Variants in NEGR1 observed in about 807,000 individuals in gnomAD.
NEGR1 encodes the protein IgLON family member 4.
A neutral mutation model predicts 40.9 loss-of-function variants in NEGR1; 10 were observed. That is an observed-to-expected ratio of 0.24 (90% confidence interval 0.15 to 0.42). NEGR1 has a LOEUF of 0.42. Among genes scored for constraint, NEGR1 ranks in the 10% least tolerant of loss-of-function variants. NEGR1 has a pLI of 1.00. For synonymous variants in NEGR1, 185 were observed against 166.8 expected, an observed-to-expected ratio of 1.11 and a Z score of -0.84; for missense variants, 352 against 438.9, an observed-to-expected ratio of 0.80 and a Z score of 1.77.
intron 1 of NEGR1, among the ~76,000 whole-genome samples, chr1:72,124,178 C>A (rs952542718): frequency 2.6e-5 from 4 of 151,948 alleles, no homozygotes; most frequent in African/African-American, 4.8e-5. Flanking sequence ...AAGAGTATTT[C>A]CAAGCCATCA....
intron 1 of NEGR1, among the ~76,000 whole-genome samples, chr1:71,994,192 T>C (rs1177662081): frequency 1.3e-5 from 2 of 152,162 alleles, no homozygotes; most frequent in Non-Finnish European, 2.9e-5. Context: ...TCTTTTAGAA[T>C]TATGAGCCTA....
At chr1:71,678,409 T>C (rs1369844159) in intron 4 of NEGR1, among the ~76,000 whole-genome samples, 1 of 152,194 alleles carries the variant, frequency 6.6e-6, no homozygotes, top group Non-Finnish European at 1.5e-5. Context: ...TGATTTATTC[T>C]ATAACAAAAC....
chr1:71,743,980 C>A (rs532466728), intron 3 of NEGR1, among the ~76,000 whole-genome samples: 104 of 152,190 alleles, frequency 6.8e-4, no homozygotes, highest in Non-Finnish European at 1.1e-3. Flanking sequence ...TAGTTACTAG[C>A]CCTCCCTTCT....
At chr1:71,460,044 C>T (rs1646702670) in intron 6 of NEGR1, among the ~76,000 whole-genome samples, 1 of 152,142 alleles carries the variant, frequency 6.6e-6, no homozygotes, top group Admixed American at 6.5e-5. Flanking sequence ...TAAAAGTCAG[C>T]ACCATATATT....
chr1:71,735,515 G>C (rs1256371520), intron 3 of NEGR1, among the ~76,000 whole-genome samples: 1 of 151,960 alleles, frequency 6.6e-6, no homozygotes, highest in East Asian at 1.9e-4. Context: ...ATGACATGGA[G>C]TGATTACATG....
chr1:71,501,459 T>C (rs1354090756), intron 6 of NEGR1, among the ~76,000 whole-genome samples: 10 of 152,148 alleles, frequency 6.6e-5, no homozygotes, highest in African/African-American at 9.6e-5. Flanking sequence ...CAGTGTAAAA[T>C]TGATTTGTCC....
intron 2 of NEGR1, among the ~76,000 whole-genome samples, chr1:71,784,078 A>C (rs1246310754): frequency 6.6e-6 from 1 of 152,180 alleles, no homozygotes; most frequent in Non-Finnish European, 1.5e-5. Flanking sequence ...ATATTGGACA[A>C]GGCTTTTTGA....
At chr1:71,563,025 A>C (rs1648508696) in intron 6 of NEGR1, among the ~76,000 whole-genome samples, 1 of 152,018 alleles carries the variant, frequency 6.6e-6, no homozygotes, top group Non-Finnish European at 1.5e-5. Context: ...AATAGGAAGA[A>C]GGCCTTGCAC....
intron 1 of NEGR1, among the ~76,000 whole-genome samples, chr1:72,014,246 T>C (rs545589650): frequency 1.6e-3 from 240 of 152,122 alleles, no homozygotes; most frequent in African/African-American, 5.4e-3. Flanking sequence ...AAACATTATC[T>C]TGATTAATAA....
chr1:71,610,414 T>G (rs1650215099), intron 5 of NEGR1, among the ~76,000 whole-genome samples: 1 of 152,222 alleles, frequency 6.6e-6, no homozygotes, highest in Admixed American at 6.5e-5. Context: ...CTGTCTTATC[T>G]TATTCAGTAG....
intron 1 of NEGR1, among the ~76,000 whole-genome samples, chr1:71,958,624 T>C (rs982738063): frequency 6.6e-6 from 1 of 152,200 alleles, no homozygotes; most frequent in Admixed American, 6.5e-5. Flanking sequence ...CTGCAGTTTT[T>C]ACTCTACAGC....
In NEGR1 at chr1:71,674,393, C is replaced by T. The variant is rs535725431; in HGVS notation, c.667+23615G>A. 2.2e-4 allele frequency among the ~76,000 whole-genome samples: 33 copies of T among 152,232 alleles called. 1 individual carries two copies. In the South Asian group the frequency reaches 6.6e-3, roughly 31 times the overall value. ...CAATCCAGGACACACTGATACTGCC[C>T]ATGCACGTATTATTGCATTCACTAG... On this transcript the variant is annotated intron_variant, in intron 4 of 6. Transcript: ENST00000357731.
At chr1:72,039,868 C>T (rs949432646) in intron 1 of NEGR1, among the ~76,000 whole-genome samples, 5 of 151,824 alleles carry the variant, frequency 3.3e-5, no homozygotes, top group Admixed American at 2.6e-4. Context: ...TAATCATTGA[C>T]CATTTTGGCA....
intron 1 of NEGR1, among the ~76,000 whole-genome samples, chr1:72,194,016 T>C (rs1031872499): frequency 3.4e-4 from 51 of 151,760 alleles, no homozygotes; most frequent in Non-Finnish European, 6.2e-4. Flanking sequence ...AGCAACAACT[T>C]TATACAAAAT....
At chr1:71,643,664 T>A (rs553284524) in intron 4 of NEGR1, among the ~76,000 whole-genome samples, 1 of 152,126 alleles carries the variant, frequency 6.6e-6, no homozygotes, top group East Asian at 1.9e-4. Context: ...TGTATATGCA[T>A]GTAGGTGGTT....
chr1:71,842,588 A>G (rs1201929030), intron 2 of NEGR1, among the ~76,000 whole-genome samples: 1 of 152,142 alleles, frequency 6.6e-6, no homozygotes, highest in Non-Finnish European at 1.5e-5. Flanking sequence ...ATGTCTTCCA[A>G]TTTTTCATAG....
At chr1:71,966,200 C>T (rs1249071500) in intron 1 of NEGR1, among the ~76,000 whole-genome samples, 1 of 152,130 alleles carries the variant, frequency 6.6e-6, no homozygotes, top group Non-Finnish European at 1.5e-5. Flanking sequence ...AGATTCATAA[C>T]ACTTCATTAA....
intron 2 of NEGR1, among the ~76,000 whole-genome samples, chr1:71,820,050 C>A (rs529840810): frequency 6.6e-6 from 1 of 152,092 alleles, no homozygotes; most frequent in African/African-American, 2.4e-5. Flanking sequence ...AACAAAGGGG[C>A]AATGCGTCAT....
At chr1:71,843,309 A>G (rs970762697) in intron 2 of NEGR1, among the ~76,000 whole-genome samples, 27 of 152,188 alleles carry the variant, frequency 1.8e-4, no homozygotes, top group African/African-American at 6.3e-4. Flanking sequence ...ATGGAAACAG[A>G]ACATTAAATT....
Sources: gnomAD v4.1 joint callset for allele counts (sites outside exome capture counted in the v4.1 genomes callset) on GRCh38, gnomAD v4.1.1 for gene constraint, MANE v1.5 for transcripts, NCBI Gene and HGNC (gene_info 2026-07-23, HGNC 2026-07-21) for gene names.